Variants in PRH1 observed in about 807,000 individuals in gnomAD.
PRH1 encodes the protein proline rich protein HaeIII subfamily 1.
PRH1 carries 7 observed loss-of-function variants against 7.9 expected under a neutral mutation model. The observed-to-expected ratio is 0.89, with a 90% CI of 0.50 to 1.67. PRH1 has a LOEUF of 1.67. Among genes scored for constraint, PRH1 ranks in the 40% most tolerant of loss-of-function variants. The pLI, the probability that PRH1 is intolerant of heterozygous loss-of-function variation, is 0.00. For synonymous variants in PRH1, 45 were observed against 80.8 expected (o/e 0.56, Z 2.38); for missense variants, 109 against 223.6 (o/e 0.49, Z 3.27).
At chr12:10,931,789 T>C (rs929201899) in intron 2 of PRH1, among the ~76,000 whole-genome samples, 3 of 152,240 alleles carry the variant, frequency 2.0e-5, no homozygotes, top group Non-Finnish European at 4.4e-5. Context: ...CACATGAGTT[T>C]ATTTAGATCT....
chr12:10,999,284 G>A (rs867076920), intron 1 of PRH1, among the ~76,000 whole-genome samples: 6 of 152,098 alleles, frequency 3.9e-5, no homozygotes, highest in Non-Finnish European at 1.5e-5. Context: ...AAATATCAAA[G>A]TTTTTGTAAT....
chr12:11,118,604 A>C (rs1390007211), downstream of PRH1, among the ~76,000 whole-genome samples: 1 of 152,192 alleles, frequency 6.6e-6, no homozygotes, highest in African/African-American at 2.4e-5. Flanking sequence ...AAGTGTATCA[A>C]ACAGGTATCC....
intron 1 of PRH1, among the ~76,000 whole-genome samples, chr12:10,994,445 C>A (rs771994181): frequency 6.6e-5 from 10 of 152,176 alleles, no homozygotes; most frequent in Non-Finnish European, 1.2e-4. Context: ...GTCCTGGGAG[C>A]CAAGTGCATG....
At chr12:10,936,410 AC>A (rs766577522) in intron 2 of PRH1, among the ~76,000 whole-genome samples, 8 of 152,206 alleles carry the variant, frequency 5.3e-5, no homozygotes, top group Non-Finnish European at 1.2e-4. Context: ...CTTGAGGTAT[AC>A]TTGACATGCA....
At chr12:11,119,321 A>T (rs1203945514), downstream of PRH1, among the ~76,000 whole-genome samples, 1 of 152,156 alleles carries the variant, frequency 6.6e-6, no homozygotes, top group Non-Finnish European at 1.5e-5. Flanking sequence ...GCTACCAAAA[A>T]AAAAAAATAG....
At chr12:10,884,625 C>T (rs555831000), upstream of PRH1, among the ~76,000 whole-genome samples, 1 of 152,150 alleles carries the variant, frequency 6.6e-6, no homozygotes, top group East Asian at 1.9e-4. Context: ...GTGGGTGTGT[C>T]GGGGGGTGGA....
At chr12:10,913,318 G>A (rs1249987345) in intron 2 of PRH1, among the ~76,000 whole-genome samples, 2 of 152,124 alleles carry the variant, frequency 1.3e-5, no homozygotes, top group Non-Finnish European at 2.9e-5. Flanking sequence ...AGCCGGGCAT[G>A]GTGGCAGGCA....
At position 11,090,179 on chromosome 12, in the gene PRH1, A is replaced by G. The variant is rs566017194; in HGVS notation, n.124-42991T>C. 1.0e-3 allele frequency among the ~76,000 whole-genome samples: 120 copies of G among 115,914 alleles called. 31 individuals carry two copies. The highest frequency in any genetic ancestry group is 3.4e-3 in the African/African-American group (119 of 34,784). 76.0% of individuals were successfully genotyped at this position (115,914 alleles called of 152,430 possible). On this transcript the variant is annotated intron_variant and non_coding_transcript_variant, in intron 1 of 4. Transcript: ENST00000541977. Reference sequence around the variant, plus strand: ...TATGTCAACACCCTTTCATTTCATCATTGATGACAAAATTACAAAGTTACG... The same window carrying G: ...TATGTCAACACCCTTTCATTTCATCGTTGATGACAAAATTACAAAGTTACG...
intron 2 of PRH1, among the ~76,000 whole-genome samples, chr12:10,925,649 TA>T (rs1950113330): frequency 6.6e-6 from 1 of 152,248 alleles, no homozygotes; most frequent in African/African-American, 2.4e-5. Context: ...GCTTATGATT[TA>T]AAACAAACTT....
At chr12:11,137,230 T>G (rs1282633214) in intron 1 of PRH1, among the ~76,000 whole-genome samples, 1 of 152,226 alleles carries the variant, frequency 6.6e-6, no homozygotes, top group Non-Finnish European at 1.5e-5. Context: ...TTACTGTTTT[T>G]ATAAGCAGAA....
chr12:11,068,548 T>C (rs1002668157), intron 1 of PRH1, among the ~76,000 whole-genome samples: 4 of 152,186 alleles, frequency 2.6e-5, no homozygotes. Context: ...TTGGAGGACA[T>C]GCATAAAGAT....
intron 2 of PRH1, among the ~76,000 whole-genome samples, chr12:10,918,858 CA>C (rs1413044437): frequency 1.3e-5 from 2 of 151,998 alleles, no homozygotes; most frequent in African/African-American, 4.8e-5. Context: ...TTTTATAAAA[CA>C]GTAAAAGTAT....
chr12:10,926,087 T>C (rs2135856663), intron 2 of PRH1, among the ~76,000 whole-genome samples: 1 of 152,304 alleles, frequency 6.6e-6, no homozygotes, highest in South Asian at 2.1e-4. Flanking sequence ...TAATAGGTCA[T>C]CAACATCAAA....
chr12:10,933,221 T>C (rs10492100), intron 2 of PRH1, among the ~76,000 whole-genome samples: 36,644 of 151,838 alleles, frequency 0.24, 4,492 homozygotes, highest in Non-Finnish European at 0.26. Context: ...TTTACAGATA[T>C]ACAATATGGA....
chr12:10,912,384 T>C (rs117412092), intron 2 of PRH1, among the ~76,000 whole-genome samples: 2,390 of 152,276 alleles, frequency 0.016, 51 homozygotes, highest in Admixed American at 0.061. Flanking sequence ...ATTTATGTTT[T>C]CATGTAATTT....
intron 1 of PRH1, chr12:11,030,674 G>GT (rs1942152580): frequency 1.2e-6 from 2 of 1,614,062 alleles, no homozygotes; most frequent in Non-Finnish European, 1.7e-6. Context: ...GTGGACCTTG[G>GT]TGCTGGGATC....
chr12:10,896,354 T>A (rs931006418), intron 2 of PRH1, among the ~76,000 whole-genome samples: 4 of 152,212 alleles, frequency 2.6e-5, no homozygotes, highest in African/African-American at 7.2e-5. Context: ...GAGTTTATGA[T>A]CAGCATATTT....
intron 2 of PRH1, among the ~76,000 whole-genome samples, chr12:10,950,867 T>C (rs2135913337): frequency 6.6e-6 from 1 of 152,132 alleles, no homozygotes; most frequent in Non-Finnish European, 1.5e-5. Context: ...AAAAAAAGAT[T>C]GGTAGTAAAC....
chr12:11,091,305 G>C, intron 1 of PRH1: 1 of 1,208,580 alleles, frequency 8.3e-7, no homozygotes, highest in South Asian at 1.2e-5. Flanking sequence ...TGAATCTATG[G>C]AGATGAAGTC....
Sources: allele counts gnomAD v4.1 joint callset (sites outside exome capture counted in the v4.1 genomes callset), GRCh38; gene constraint gnomAD v4.1.1; transcripts MANE v1.5; gene names NCBI Gene and HGNC (gene_info 2026-07-23, HGNC 2026-07-21).